KCNIP1: variants seen among roughly 807,000 people sequenced by gnomAD.
KCNIP1 encodes potassium voltage-gated channel interacting protein 1.
KCNIP1 carries 18 observed loss-of-function variants against 33.0 expected under a neutral mutation model. That is an observed-to-expected ratio of 0.55 (90% CI 0.38 to 0.81). The LOEUF (loss-of-function observed/expected upper bound fraction) is 0.81. Among genes scored for constraint, KCNIP1 ranks in the 30% least tolerant of loss-of-function variants. The pLI is 0.00. For missense variants in KCNIP1, 238 were observed against 271.6 expected (o/e 0.88, Z 0.87); for synonymous variants, 93 against 98.3 (o/e 0.95, Z 0.32).
chr5:170,485,528 G>A lies in KCNIP1; in HGVS notation c.88+131564G>A, dbSNP rs73803718. 2.6e-3 allele frequency among the ~76,000 whole-genome samples: 403 copies of A among 152,332 alleles called. 1 individual carries two copies. The highest frequency in any genetic ancestry group is 9.1e-3 in the African/African-American group (378 of 41,586). On this transcript the variant is annotated intron_variant, in intron 1 of 7. Coordinates refer to the KCNIP1 transcript ENST00000377360. Reference sequence around the variant, plus strand: ...ACATGGCCCACCTTCAGGGTCATGAGGATTCATAAACCCTATTCTGCGAAG... The same window carrying A: ...ACATGGCCCACCTTCAGGGTCATGAAGATTCATAAACCCTATTCTGCGAAG...
chr5:170,367,355 AAG>A (rs1763695371), intron 1 of KCNIP1, among the ~76,000 whole-genome samples: 4 of 57,894 alleles, frequency 6.9e-5, no homozygotes, highest in Non-Finnish European at 1.4e-4. Flanking sequence ...AAGAAAAAGA[AAG>A]AAAGAAAGAA....
chr5:170,689,791 G>A (rs1213905085), intron 1 of KCNIP1, among the ~76,000 whole-genome samples: 1 of 152,204 alleles, frequency 6.6e-6, no homozygotes, highest in Non-Finnish European at 1.5e-5. Flanking sequence ...GGGAAGGCTG[G>A]AGATGATGTC....
At chr5:170,594,475 G>A (rs1286889877) in intron 1 of KCNIP1, among the ~76,000 whole-genome samples, 2 of 152,136 alleles carry the variant, frequency 1.3e-5, no homozygotes, top group African/African-American at 2.4e-5. Context: ...CTCCCAGTGT[G>A]GGGCTGGCAT....
At chr5:170,726,667 A>G (rs1764015527) in intron 5 of KCNIP1, among the ~76,000 whole-genome samples, 1 of 149,570 alleles carries the variant, frequency 6.7e-6, no homozygotes, top group East Asian at 2.0e-4. Context: ...TGGGAGGCTG[A>G]GGCAGGCGGA....
intron 1 of KCNIP1, among the ~76,000 whole-genome samples, chr5:170,676,369 C>T (rs919114113): frequency 1.1e-4 from 17 of 152,172 alleles, no homozygotes; most frequent in African/African-American, 4.1e-4. Flanking sequence ...GAATCATTTT[C>T]CCATTTTCGT....
intron 1 of KCNIP1, chr5:170,377,567 ATTTTTTG>A (rs1202506530): frequency 6.9e-6 from 1 of 145,352 alleles, no homozygotes; most frequent in Non-Finnish European, 1.5e-5. Flanking sequence ...GTTGTTTTTC[ATTTTTTG>A]TTTTTTGTTT....
intron 1 of KCNIP1, among the ~76,000 whole-genome samples, chr5:170,621,028 G>T (rs1005738152): frequency 6.6e-6 from 1 of 152,166 alleles, no homozygotes; most frequent in African/African-American, 2.4e-5. Context: ...GGAAGCTGGA[G>T]AAAAAGCAAG....
intron 1 of KCNIP1, among the ~76,000 whole-genome samples, chr5:170,555,377 G>A: frequency 6.6e-6 from 1 of 152,180 alleles, no homozygotes; most frequent in East Asian, 1.9e-4. Flanking sequence ...CATGAATGGA[G>A]CACCTACCAT....
At chr5:170,667,937 C>G (rs1451771046) in intron 1 of KCNIP1, among the ~76,000 whole-genome samples, 8 of 152,206 alleles carry the variant, frequency 5.3e-5, no homozygotes, top group Admixed American at 5.2e-4. Context: ...GCTCATGTAA[C>G]TGAACTTCAA....
chr5:170,413,226 G>A (rs980596965), intron 1 of KCNIP1, among the ~76,000 whole-genome samples: 1 of 152,202 alleles, frequency 6.6e-6, no homozygotes, highest in Non-Finnish European at 1.5e-5. Flanking sequence ...GGAGGACTGC[G>A]GGGTCTTGGT....
intron 1 of KCNIP1, among the ~76,000 whole-genome samples, chr5:170,519,490 T>C (rs1755273903): frequency 6.6e-6 from 1 of 152,194 alleles, no homozygotes; most frequent in South Asian, 2.1e-4. Context: ...GGGAAGTATT[T>C]CTGCTGAGCC....
intron 1 of KCNIP1, among the ~76,000 whole-genome samples, chr5:170,587,421 CAAAAAAAAAAAAAA>C (rs56358014): frequency 2.8e-5 from 2 of 70,348 alleles, no homozygotes; most frequent in Admixed American, 1.6e-4. Context: ...GACTCTGTCT[CAAAAAAAAAAAAAA>C]AAAAAAAAAA....
At chr5:170,378,952 C>G (rs2301149) in intron 1 of KCNIP1, 143,030 of 1,613,818 alleles carry the variant, frequency 0.089, 7,100 homozygotes, top group Middle Eastern at 0.22. Flanking sequence ...TAATTGTCCA[C>G]GCTGCCTGGG....
intron 1 of KCNIP1, among the ~76,000 whole-genome samples, chr5:170,629,346 C>A (rs956510783): frequency 6.6e-6 from 1 of 152,182 alleles, no homozygotes; most frequent in Admixed American, 6.5e-5. Flanking sequence ...AGTAAATGAT[C>A]GGATAGGCTA....
intron 1 of KCNIP1, among the ~76,000 whole-genome samples, chr5:170,438,777 T>C (rs1019226275): frequency 6.6e-6 from 1 of 152,166 alleles, no homozygotes; most frequent in Non-Finnish European, 1.5e-5. Context: ...GACATGTTTC[T>C]TCCTCCAGGA....
chr5:170,664,391 A>C (rs949200293), intron 1 of KCNIP1, among the ~76,000 whole-genome samples: 1 of 152,118 alleles, frequency 6.6e-6, no homozygotes, highest in Non-Finnish European at 1.5e-5. Context: ...CCCTCTCTGC[A>C]TTATAATTCC....
intron 1 of KCNIP1, among the ~76,000 whole-genome samples, chr5:170,704,594 T>A (rs548814553): frequency 2.6e-5 from 4 of 152,080 alleles, no homozygotes; most frequent in Non-Finnish European, 5.9e-5. Context: ...CTAGGCTCTG[T>A]CTTGAAGGTT....
chr5:170,734,079 T>A (rs959830844), intron 7 of KCNIP1, among the ~76,000 whole-genome samples, 181 bp downstream of exon 7: 3 of 152,096 alleles, frequency 2.0e-5, no homozygotes, highest in Non-Finnish European at 2.9e-5. Flanking sequence ...GACCTGCAGT[T>A]GGTCTTGGCT....
intron 1 of KCNIP1, among the ~76,000 whole-genome samples, chr5:170,666,329 C>T (rs563664289): frequency 1.3e-4 from 19 of 151,852 alleles, no homozygotes; most frequent in Admixed American, 2.0e-4. Flanking sequence ...TGTGTGTTTG[C>T]GTGTGTGTGT....
Sources: allele counts gnomAD v4.1 joint callset (sites outside exome capture counted in the v4.1 genomes callset), GRCh38; gene constraint gnomAD v4.1.1; transcripts MANE v1.5; gene names NCBI Gene and HGNC (gene_info 2026-07-23, HGNC 2026-07-21).